Variants in CA10 observed in about 807,000 individuals in gnomAD.
CA10 encodes the protein carbonic anhydrase 10 (inactive).
In CA10, 14 loss-of-function variants were observed where a neutral mutation model predicts 44.2. The ratio of observed to expected loss-of-function variants is 0.32; its 90% confidence interval spans 0.21 to 0.50. CA10 has a LOEUF of 0.50. CA10 is among the 20% of genes least tolerant of loss of function. CA10 has a pLI of 0.99. For synonymous variants in CA10, 159 were observed against 141.6 expected, an observed-to-expected ratio of 1.12 and a Z score of -0.87; for missense variants, 350 against 409.7, an observed-to-expected ratio of 0.85 and a Z score of 1.26.
At chr17:52,108,436 C>T (rs1000380843) in intron 1 of CA10, among the ~76,000 whole-genome samples, 1 of 151,292 alleles carries the variant, frequency 6.6e-6, no homozygotes, top group Non-Finnish European at 1.5e-5. Flanking sequence ...CAGTGGCTCA[C>T]GCCTGTAATC....
At chr17:52,068,705 T>A (rs1238325237) in intron 2 of CA10, among the ~76,000 whole-genome samples, 4 of 152,196 alleles carry the variant, frequency 2.6e-5, no homozygotes, top group Non-Finnish European at 5.9e-5. Flanking sequence ...CCATGGTGAA[T>A]TCAACCCTTA....
chr17:52,018,017 G>A (rs772712570), intron 2 of CA10, among the ~76,000 whole-genome samples: 4 of 152,114 alleles, frequency 2.6e-5, no homozygotes, highest in Non-Finnish European at 5.9e-5. Flanking sequence ...CTTCCACATA[G>A]TGCAAAGCCT....
intron 4 of CA10, among the ~76,000 whole-genome samples, chr17:51,692,137 T>G (rs1915217357): frequency 6.6e-6 from 1 of 152,142 alleles, no homozygotes; most frequent in Non-Finnish European, 1.5e-5. Context: ...GCATGGGATA[T>G]CTCACTACAG....
At chr17:52,105,069 G>A (rs188253126) in intron 1 of CA10, among the ~76,000 whole-genome samples, 97 of 152,212 alleles carry the variant, frequency 6.4e-4, no homozygotes, top group Non-Finnish European at 1.1e-3. Context: ...AGGGCAACAT[G>A]GGTAATTTTA....
At position 51,946,029 on chromosome 17, in the gene CA10, C is replaced by T. The variant is rs181949469; in HGVS notation, c.137-14897G>A. 4.6e-5 allele frequency among the ~76,000 whole-genome samples: 7 copies of T among 152,182 alleles called. No individual in the cohort carries two copies. The East Asian group carries it at 5.8e-4, about 13-fold the overall frequency. The stretch of plus-strand genomic sequence containing the variant: ...GGACAACATGGATGAACCTGGGGGG[C>T]GGCTTATTAACTAAGCCAGGCCCCG... On this transcript the variant is annotated intron_variant, in intron 2 of 8. Coordinates refer to ENST00000451037, the MANE Select transcript of CA10 (RefSeq NM_020178.5).
intron 1 of CA10, among the ~76,000 whole-genome samples, chr17:52,125,458 A>T (rs1989098683): frequency 1.3e-5 from 2 of 152,290 alleles, no homozygotes; most frequent in South Asian, 4.1e-4. Flanking sequence ...TCATGCATGC[A>T]CAGTAGGCCT....
At chr17:51,779,194 G>A (rs1905945212) in intron 3 of CA10, among the ~76,000 whole-genome samples, 1 of 152,096 alleles carries the variant, frequency 6.6e-6, no homozygotes, top group African/African-American at 2.4e-5. Flanking sequence ...TAAGTGCCTC[G>A]AGAGCCCTGT....
At chr17:51,654,373 G>A (rs780458757) in intron 4 of CA10, among the ~76,000 whole-genome samples, 32 of 152,086 alleles carry the variant, frequency 2.1e-4, no homozygotes, top group African/African-American at 4.8e-4. Context: ...TTTAAAAATC[G>A]TGTATAAACA....
At chr17:51,924,054 A>T (rs1479765197) in intron 3 of CA10, among the ~76,000 whole-genome samples, 2 of 152,204 alleles carry the variant, frequency 1.3e-5, no homozygotes, top group Non-Finnish European at 2.9e-5. Context: ...TTAATATTAC[A>T]GGCCAAGGTT....
chr17:51,725,402 A>G (rs1916481601), intron 4 of CA10, among the ~76,000 whole-genome samples: 2 of 152,244 alleles, frequency 1.3e-5, no homozygotes, highest in South Asian at 2.1e-4. Flanking sequence ...TCAAGGTTAC[A>G]TCAGCGTGAG....
chr17:51,753,321 G>C (rs1189083171), intron 3 of CA10, among the ~76,000 whole-genome samples: 1 of 152,168 alleles, frequency 6.6e-6, no homozygotes, highest in African/African-American at 2.4e-5. Flanking sequence ...TGTATGCCTG[G>C]TGTATTTATT....
At chr17:51,969,339 C>T (rs979591695) in intron 2 of CA10, among the ~76,000 whole-genome samples, 4 of 152,032 alleles carry the variant, frequency 2.6e-5, no homozygotes, top group Non-Finnish European at 5.9e-5. Context: ...AGAAAACACA[C>T]TCATCTAGGT....
intron 6 of CA10, among the ~76,000 whole-genome samples, chr17:51,641,137 CT>C: frequency 6.7e-6 from 1 of 148,346 alleles, no homozygotes; most frequent in Non-Finnish European, 1.5e-5. Flanking sequence ...CTCTTTCTCT[CT>C]CTCTCTCTCT....
At chr17:51,765,691 C>CTGTGTGTGTGTGTGTGTGTG (rs61631215) in intron 3 of CA10, among the ~76,000 whole-genome samples, 2 of 140,284 alleles carry the variant, frequency 1.4e-5, no homozygotes, top group African/African-American at 2.6e-5. Flanking sequence ...AGGCAGCTCC[C>CTGTGTGTGTGTGTGTGTGTG]TGTGTGTGTG....
chr17:51,795,008 G>A (rs1320147636), intron 3 of CA10, among the ~76,000 whole-genome samples: 1 of 152,176 alleles, frequency 6.6e-6, no homozygotes, highest in Non-Finnish European at 1.5e-5. Context: ...ATGGCATCAG[G>A]AAAGAGGCTG....
intron 3 of CA10, among the ~76,000 whole-genome samples, chr17:51,875,306 C>A (rs906949310): frequency 6.6e-6 from 1 of 152,136 alleles, no homozygotes; most frequent in African/African-American, 2.4e-5. Flanking sequence ...GCACTGTGCC[C>A]AGCCTAGAAA....
At chr17:51,660,760 C>T (rs983342267) in intron 4 of CA10, among the ~76,000 whole-genome samples, 2 of 152,158 alleles carry the variant, frequency 1.3e-5, no homozygotes, top group Non-Finnish European at 2.9e-5. Context: ...ACCTCAGTGG[C>T]TTCCCCTTGC....
At chr17:52,010,750 T>C (rs1985764168) in intron 2 of CA10, among the ~76,000 whole-genome samples, 1 of 151,858 alleles carries the variant, frequency 6.6e-6, no homozygotes, top group African/African-American at 2.4e-5. Context: ...ATTTTTTATA[T>C]TTTGTTCAAC....
chr17:51,813,270 T>C (rs776762873), intron 3 of CA10, among the ~76,000 whole-genome samples: 1 of 152,240 alleles, frequency 6.6e-6, no homozygotes, highest in Non-Finnish European at 1.5e-5. Flanking sequence ...GCATCAATGC[T>C]GAGACATAAT....
Sources: allele counts gnomAD v4.1 joint callset (sites outside exome capture counted in the v4.1 genomes callset), GRCh38; gene constraint gnomAD v4.1.1; transcripts MANE v1.5; gene names NCBI Gene and HGNC (gene_info 2026-07-23, HGNC 2026-07-21).